NAP1L4: variants seen among roughly 807,000 people sequenced by gnomAD.
The protein encoded by NAP1L4 is nucleosome assembly protein 1-like 4.
NAP1L4 carries 15 observed loss-of-function variants against 58.2 expected under a neutral mutation model. The observed-to-expected ratio is 0.26, with a 90% confidence interval of 0.17 to 0.40. The LOEUF (loss-of-function observed/expected upper bound fraction) is 0.40. Ranked by LOEUF, NAP1L4 falls within the 10% of genes least tolerant of loss-of-function variation. The pLI is 1.00. For missense variants in NAP1L4, 384 were observed against 451.1 expected (o/e 0.85, Z 1.35); for synonymous variants, 171 against 155.6 (o/e 1.10, Z -0.74).
intron 3 of NAP1L4, 140 bp downstream of exon 3, chr11:2,978,144 T>C (rs567181944): frequency 1.4e-6 from 1 of 711,228 alleles, no homozygotes; most frequent in African/African-American, 1.8e-5. Flanking sequence ...GTTAATGAGA[T>C]ACTGATTTTT....
Position 2,954,874 on chromosome 11 carries a change from GC to G in NAP1L4, c.916-229del. ...ATGGCAGAGAAAGTGGGAAGTGAGGGCCCTACAGCTCCACAACTTGTCCAAA... is the reference window on the plus strand; with the variant it reads ...ATGGCAGAGAAAGTGGGAAGTGAGGGCCTACAGCTCCACAACTTGTCCAAA... On this transcript the variant is annotated intron_variant, in intron 11 of 15. Coordinates refer to ENST00000380542, the MANE Select transcript of NAP1L4 (RefSeq NM_005969.4). This position sits in a 1 kb window ranked among gnomAD's most constrained non-coding sequence, Gnocchi z 4.8. 2 of 584,240 alleles carry G rather than the reference GC, an allele frequency of 3.4e-6. No homozygotes were observed. The highest frequency in any genetic ancestry group is 3.0e-6 in the Non-Finnish European group (1 of 328,014). 36.2% of individuals were successfully genotyped at this position (584,240 alleles called of 1,614,324 possible). A position where few individuals can be genotyped will look rare whatever the true frequency, so the allele number is the denominator to read the frequency against.
At chr11:2,987,723 C>CT (rs2134028128) in intron 1 of NAP1L4, among the ~76,000 whole-genome samples, 1 of 141,808 alleles carries the variant, frequency 7.1e-6, no homozygotes, top group African/African-American at 2.6e-5. Flanking sequence ...CGCCACTGCA[C>CT]TCCAGCCTGG....
chr11:2,961,742 G>C (rs550968020), intron 8 of NAP1L4, among the ~76,000 whole-genome samples: 1 of 152,232 alleles, frequency 6.6e-6, no homozygotes, highest in African/African-American at 2.4e-5. Flanking sequence ...ATGTTGCCCA[G>C]GCTGGTCTTG....
intron 3 of NAP1L4, 120 bp from the exon 4 acceptor site, chr11:2,976,243 A>G (rs2133987520): frequency 3.1e-6 from 2 of 650,000 alleles, no homozygotes. Flanking sequence ...TAATTTCTAA[A>G]TACATACACC....
chr11:2,947,212 T>A (rs988709516), intron 15 of NAP1L4, among the ~76,000 whole-genome samples: 1 of 152,356 alleles, frequency 6.6e-6, no homozygotes, highest in South Asian at 2.1e-4. Context: ...AGATTTGGAA[T>A]GCTCAACCAG....
rs1449291765 is a variant in NAP1L4, at chr11:2,945,637, T to A, written c.*42A>T. On this transcript the variant is annotated 3_prime_UTR_variant, in exon 16 of 16. Transcript: ENST00000380542. The stretch of plus-strand genomic sequence containing the variant: ...TGCTGCTTGCATTCCGCCGGCTGGC[T>A]GGGTTCCTTCTGTCAATGAAAAAGA... 2 of 1,536,014 alleles carry A rather than the reference T, an allele frequency of 1.3e-6. No homozygotes were observed. Among genetic ancestry groups the A allele is most frequent in the South Asian group, 2.4e-5 (2 of 84,048 alleles).
At chr11:2,958,988 C>A (rs1249028938) in intron 9 of NAP1L4, 2 of 181,690 alleles carry the variant, frequency 1.1e-5, no homozygotes, top group South Asian at 1.1e-4. Context: ...CAGACCACTC[C>A]AGCCCCAGGG....
At chr11:2,991,643 C>T (rs1848975758) in intron 1 of NAP1L4, among the ~76,000 whole-genome samples, 1 of 152,160 alleles carries the variant, frequency 6.6e-6, no homozygotes, top group Non-Finnish European at 1.5e-5. Flanking sequence ...CAAGGACTTT[C>T]TTCCCCGTCA....
At chr11:2,974,495 G>T (rs769782583) in intron 4 of NAP1L4, among the ~76,000 whole-genome samples, 1 of 152,012 alleles carries the variant, frequency 6.6e-6, no homozygotes, top group African/African-American at 2.4e-5. Flanking sequence ...CTCCCACTCA[G>T]TATCACCCCA....
At chr11:2,960,303 C>T (rs540604191) in intron 8 of NAP1L4, among the ~76,000 whole-genome samples, 1 of 152,320 alleles carries the variant, frequency 6.6e-6, no homozygotes, top group South Asian at 2.1e-4. Flanking sequence ...GCCTAAGCCC[C>T]AGCCCCCACC....
intron 4 of NAP1L4, among the ~76,000 whole-genome samples, chr11:2,973,612 T>A (rs1197715203): frequency 6.6e-6 from 1 of 152,148 alleles, no homozygotes. Context: ...CACAGCTACC[T>A]CAAGCTAAAG....
intron 1 of NAP1L4, among the ~76,000 whole-genome samples, chr11:2,985,428 A>C (rs1848562006): frequency 6.6e-6 from 1 of 152,244 alleles, no homozygotes; most frequent in Non-Finnish European, 1.5e-5. Flanking sequence ...TGTTCAGTTT[A>C]ATACTAGTCT....
At chr11:2,983,085 C>T (rs757469557) in intron 1 of NAP1L4, among the ~76,000 whole-genome samples, 136 of 152,164 alleles carry the variant, frequency 8.9e-4, no homozygotes, top group Non-Finnish European at 1.5e-3. Context: ...ACAGCTTAGT[C>T]AGGGTTGAAA....
At position 2,946,413 on chromosome 11, in the gene NAP1L4, G is replaced by A. The variant is rs1330895785; in HGVS notation, c.*33-767C>T. 6.6e-6 allele frequency among the ~76,000 whole-genome samples: 1 copy of A among 152,204 alleles called. No homozygotes were observed. Among genetic ancestry groups the A allele is most frequent in the Non-Finnish European group, 1.5e-5 (1 of 68,038 alleles). Reference sequence around the variant, plus strand: ...TTTAAACCACATCCAGCAACTCCATGAATTTGTGTGGAGGCCAACAATAGC... The same window carrying A: ...TTTAAACCACATCCAGCAACTCCATAAATTTGTGTGGAGGCCAACAATAGC... On this transcript the variant is annotated intron_variant, in intron 15 of 15. Coordinates refer to ENST00000380542, the MANE Select transcript of NAP1L4 (RefSeq NM_005969.4). The surrounding 1 kb of genome is among the most constrained non-coding windows in gnomAD (Gnocchi z 4.8).
In NAP1L4 at chr11:2,951,021, G is replaced by GACACAGCT; in HGVS notation, c.1122+237_1122+238insAGCTGTGT. 2.2e-6 allele frequency: 1 copy of GACACAGCT among 459,782 alleles called. No homozygotes were observed. The highest frequency in any genetic ancestry group is 3.8e-6 in the Non-Finnish European group (1 of 260,830). 28.5% of individuals were successfully genotyped at this position (459,782 alleles called of 1,614,324 possible). A position where few individuals can be genotyped will look rare whatever the true frequency, so the allele number is the denominator to read the frequency against. Reference sequence around the variant, plus strand: ...CAAGTTGCTCTACTGAGGAGTCTATGTAAATAAGACACAGCTTGAGACAGC... The same window carrying GACACAGCT: ...CAAGTTGCTCTACTGAGGAGTCTATGACACAGCTTAAATAAGACACAGCTTGAGACAGC... On this transcript the variant is annotated intron_variant, in intron 14 of 15. Transcript: ENST00000380542. This position sits in a 1 kb window ranked among gnomAD's most constrained non-coding sequence, Gnocchi z 4.0.
In NAP1L4 at chr11:2,955,128, C is replaced by A. The variant is rs925183864; in HGVS notation, c.916-482G>T. Among the ~76,000 whole-genome samples the A allele has an allele frequency of 6.6e-6, 1 of 152,024 alleles. No homozygotes were observed. The highest frequency in any genetic ancestry group is 6.6e-5 in the Admixed American group (1 of 15,250). On this transcript the variant is annotated intron_variant, in intron 11 of 15. Transcript: ENST00000380542. This position sits in a 1 kb window ranked among gnomAD's most constrained non-coding sequence, Gnocchi z 4.2. ...TTGGAGGGCAGTGGTGCAATCACAG[C>A]TCACTCCAGCCTCAAGCTCCTGGGC... is the stretch of plus-strand genomic sequence containing the variant.
chr11:2,965,421 A>C (rs1847212953), intron 7 of NAP1L4, among the ~76,000 whole-genome samples: 1 of 152,234 alleles, frequency 6.6e-6, no homozygotes, highest in African/African-American at 2.4e-5. Context: ...GTGTATCTAA[A>C]CACAGAGAAG....
At position 2,959,768 on chromosome 11, in the gene NAP1L4, A is replaced by G; in HGVS notation, c.746+2T>C. On this transcript the variant is annotated splice_donor_variant, in intron 9 of 15. Transcript: ENST00000380542. LOFTEE classifies it high-confidence loss of function. This position sits in a 1 kb window ranked among gnomAD's most constrained non-coding sequence, Gnocchi z 4.9. ...AAACAAGGTAGAATGACATTTTCTT[A>G]CCCGTCACAGTCCACAATCTCAGGA... The G allele has an allele frequency of 6.2e-7, 1 of 1,611,018 alleles. No homozygotes were observed. The highest frequency in any genetic ancestry group is 8.5e-7 in the Non-Finnish European group (1 of 1,179,288).
chr11:2,979,501 G>T (rs140947050), intron 1 of NAP1L4, among the ~76,000 whole-genome samples: 2 of 152,206 alleles, frequency 1.3e-5, no homozygotes, highest in East Asian at 3.9e-4. Flanking sequence ...GGCCTGGCGC[G>T]GTGGTTCACG....
Sources: gnomAD v4.1 joint callset for allele counts (sites outside exome capture counted in the v4.1 genomes callset) on GRCh38, gnomAD v4.1.1 for gene constraint, Gnocchi (gnomAD v3.1) non-coding constraint, MANE v1.5 for transcripts, NCBI Gene and HGNC (gene_info 2026-07-23, HGNC 2026-07-21) for gene names.